Variants in GLDN observed in about 807,000 individuals in gnomAD.
GLDN encodes gliomedin, also known as collomin.
Under a neutral mutation model 56.5 loss-of-function variants are expected in GLDN, and 47 were observed. The observed-to-expected ratio is 0.83, with a 90% CI of 0.66 to 1.06. The LOEUF (loss-of-function observed/expected upper bound fraction) is 1.06, where lower values mean the gene tolerates loss of function less well. GLDN is among the 50% of genes least tolerant of loss of function. The probability of loss-of-function intolerance (pLI) is 0.00; values close to 1 mark genes in which losing one functional copy is unlikely to be tolerated. For synonymous variants in GLDN, 332 were observed against 278.8 expected, an observed-to-expected ratio of 1.19 and a Z score of -1.90; for missense variants, 782 against 714.3, an observed-to-expected ratio of 1.09 and a Z score of -1.08.
intron 1 of GLDN, among the ~76,000 whole-genome samples, chr15:51,342,718 C>T (rs2036908945): frequency 6.6e-6 from 1 of 152,176 alleles, no homozygotes; most frequent in Non-Finnish European, 1.5e-5. Context: ...AGCTGAGGTT[C>T]TTAACATGGG....
At position 51,341,978 on chromosome 15, in the gene GLDN, C is replaced by G. The variant is rs746550745; in HGVS notation, c.294C>G (p.Gly98=). 5 of 1,597,638 alleles carry G rather than the reference C, an allele frequency of 3.1e-6. No individual in the cohort carries two copies. The South Asian group carries it at 5.5e-5, about 18-fold the overall frequency. Residue 98 remains glycine, a synonymous_variant, in exon 1 of 10, where the codon GGC becomes GGG. Transcript: ENST00000335449. Reference sequence around the variant, plus strand: ...CTCGCAACAAGCGCAGCCACAGCGGCGAGCCCGCGCCGCATATCCGCGCCG... The same window carrying G: ...CTCGCAACAAGCGCAGCCACAGCGGGGAGCCCGCGCCGCATATCCGCGCCG... The part of the protein sequence containing the change: ...SSARNKRSHS[G]EPAPHIRAES...
Position 51,407,530 on chromosome 15 carries a change from T to C in GLDN, c.*2776T>C, listed in dbSNP as rs2038410310. On this transcript the variant is annotated 3_prime_UTR_variant, in exon 10 of 10. Coordinates refer to ENST00000335449, the MANE Select transcript of GLDN (RefSeq NM_181789.4). ...TCCCACTGGAAAGTAAACAAAACCA[T>C]CCCTCCCAACCTCAAAGCTAGGCCA... is the stretch of plus-strand genomic sequence containing the variant. 2 of 152,130 alleles carry C rather than the reference T, an allele frequency of 1.3e-5. No individual in the cohort carries two copies. The highest frequency in any genetic ancestry group is 4.1e-4 in the South Asian group (2 of 4,822). The allele number at this position is 152,130 out of a possible 1,614,324, so 9.4% of individuals were successfully genotyped here.
chr15:51,347,982 A>G (rs1051291068), intron 1 of GLDN, among the ~76,000 whole-genome samples: 1 of 152,256 alleles, frequency 6.6e-6, no homozygotes, highest in Non-Finnish European at 1.5e-5. Context: ...GAAAGGGAAA[A>G]CTAATCAAAG....
intron 1 of GLDN, chr15:51,369,108 T>G (rs2470188): frequency 0.012 from 1,799 of 152,322 alleles, 10 homozygotes; most frequent in Non-Finnish European, 0.017. Flanking sequence ...GTGTCTGACC[T>G]CAGCTTCAGA....
At chr15:51,347,180 T>C (rs2036993215) in intron 1 of GLDN, among the ~76,000 whole-genome samples, 1 of 152,088 alleles carries the variant, frequency 6.6e-6, no homozygotes, top group African/African-American at 2.4e-5. Flanking sequence ...AATAGGAAAA[T>C]CAGCAACAGA....
Position 51,341,913 on chromosome 15 carries a change from C to T in GLDN, c.229C>T (p.Arg77Cys), listed in dbSNP as rs2036890598. ...CCTGGCCGAGTTGAGCCGCGCGCCG[C>T]GCGGGGCGTCCGCACCACCCCAAGA... Reference protein sequence around the residue: ...SFLAELSRAPRGASAPPQDPA... With the variant: ...SFLAELSRAPCGASAPPQDPA... The change falls in exon 1 of 10, where the codon CGC becomes TGC. Residue 77 changes from arginine (R) to cysteine (C), a missense_variant. Coordinates refer to ENST00000335449, the MANE Select transcript of GLDN (RefSeq NM_181789.4). 2 of 1,593,644 alleles carry T rather than the reference C, an allele frequency of 1.3e-6. No homozygotes were observed. Among genetic ancestry groups the T allele is most frequent in the East Asian group, 2.2e-5 (1 of 44,658 alleles).
intron 1 of GLDN, among the ~76,000 whole-genome samples, chr15:51,363,006 T>C (rs962602760): frequency 5.3e-5 from 8 of 151,984 alleles, no homozygotes; most frequent in African/African-American, 1.7e-4. Flanking sequence ...GGCTGAGCAA[T>C]GGGAAGGAAA....
intron 2 of GLDN, among the ~76,000 whole-genome samples, chr15:51,380,561 C>T (rs2037736465): frequency 6.6e-6 from 1 of 152,232 alleles, no homozygotes; most frequent in Admixed American, 6.5e-5. Flanking sequence ...CCCGCCATCA[C>T]CATAACTCCC....
At chr15:51,375,355 G>T (rs1046952946) in intron 1 of GLDN, among the ~76,000 whole-genome samples, 1 of 152,122 alleles carries the variant, frequency 6.6e-6, no homozygotes, top group Non-Finnish European at 1.5e-5. Context: ...CAAATATTCT[G>T]GAAAGATAAA....
At chr15:51,351,155 T>G (rs1489346053) in intron 1 of GLDN, 1 of 295,038 alleles carries the variant, frequency 3.4e-6, no homozygotes, top group Admixed American at 3.7e-5. Context: ...TTCAAAATGC[T>G]TGCATCTCTT....
At chr15:51,346,075 A>C (rs2036973622) in intron 1 of GLDN, among the ~76,000 whole-genome samples, 1 of 152,230 alleles carries the variant, frequency 6.6e-6, no homozygotes, top group Non-Finnish European at 1.5e-5. Flanking sequence ...TGGTAAAAAT[A>C]GTATGTTTTT....
chr15:51,391,233 G>A (rs1429187978), intron 4 of GLDN, among the ~76,000 whole-genome samples: 8 of 152,164 alleles, frequency 5.3e-5, no homozygotes, highest in Non-Finnish European at 1.2e-4. Flanking sequence ...ACCCTGTGGG[G>A]GGCGCATTAC....
At chr15:51,389,382 G>C (rs1401324573) in intron 4 of GLDN, among the ~76,000 whole-genome samples, 1 of 152,168 alleles carries the variant, frequency 6.6e-6, no homozygotes, top group Non-Finnish European at 1.5e-5. Flanking sequence ...CTGTATATAA[G>C]GGCTTACAAT....
At chr15:51,378,195 T>A (rs1028517076) in intron 2 of GLDN, among the ~76,000 whole-genome samples, 7 of 152,156 alleles carry the variant, frequency 4.6e-5, no homozygotes, top group Non-Finnish European at 1.0e-4. Context: ...GGTGAGATGG[T>A]AAGAAAGAAA....
intron 4 of GLDN, 32 bp downstream of exon 4, chr15:51,383,924 C>A (rs1205419913): frequency 1.0e-5 from 15 of 1,450,088 alleles, no homozygotes; most frequent in Non-Finnish European, 1.3e-5. Flanking sequence ...ATTAATTTCC[C>A]TGTTATTTAT....
At chr15:51,353,408 G>C (rs965485157) in intron 1 of GLDN, among the ~76,000 whole-genome samples, 4 of 152,160 alleles carry the variant, frequency 2.6e-5, no homozygotes, top group Non-Finnish European at 5.9e-5. Context: ...TGCACAGCAG[G>C]CAAGATGAAC....
At chr15:51,381,800 T>C (rs2037768168) in intron 2 of GLDN, among the ~76,000 whole-genome samples, 1 of 151,070 alleles carries the variant, frequency 6.6e-6, no homozygotes, top group African/African-American at 2.5e-5. Context: ...CCATCCTCCA[T>C]GTCTCTCTTC....
chr15:51,398,863 T>C (rs992751756), intron 6 of GLDN, among the ~76,000 whole-genome samples: 4 of 152,220 alleles, frequency 2.6e-5, no homozygotes, highest in Non-Finnish European at 5.9e-5. Flanking sequence ...TGCAGAATTC[T>C]AATTTGCCAC....
chr15:51,360,466 G>A (rs2037273845), intron 1 of GLDN: 1 of 152,326 alleles, frequency 6.6e-6, no homozygotes, highest in South Asian at 2.1e-4. Flanking sequence ...CTAACCAGAT[G>A]GTACCACAAC....
Sources: gnomAD v4.1 joint callset for allele counts (sites outside exome capture counted in the v4.1 genomes callset) on GRCh38, gnomAD v4.1.1 for gene constraint, MANE v1.5 for transcripts, NCBI Gene and HGNC (gene_info 2026-07-23, HGNC 2026-07-21) for gene names.